PLEKHA1: variants seen among roughly 807,000 people sequenced by gnomAD.
The protein encoded by PLEKHA1 is pleckstrin homology domain-containing family A member 1.
A neutral mutation model predicts 52.0 loss-of-function variants in PLEKHA1; 34 were observed. That is an observed-to-expected ratio of 0.65 (90% CI 0.50 to 0.87). The LOEUF (loss-of-function observed/expected upper bound fraction) is 0.87, where lower values mean the gene tolerates loss of function less well. Among genes scored for constraint, PLEKHA1 ranks in the 40% least tolerant of loss-of-function variants. The pLI is 0.00. For missense variants in PLEKHA1, 497 were observed against 504.2 expected (o/e 0.99, Z 0.14); for synonymous variants, 163 against 170.7 (o/e 0.95, Z 0.35).
intron 1 of PLEKHA1, among the ~76,000 whole-genome samples, chr10:122,382,745 C>T (rs1410577473): frequency 6.6e-6 from 1 of 152,162 alleles, no homozygotes; most frequent in Non-Finnish European, 1.5e-5. Context: ...CCTCTTTTCT[C>T]TCACTGTGAA....
chr10:122,421,254 G>C (rs1242018509), intron 8 of PLEKHA1: 1 of 152,096 alleles, frequency 6.6e-6, no homozygotes, highest in Non-Finnish European at 1.5e-5. Flanking sequence ...TGAAATCCCT[G>C]CCCAAGGTAT....
intron 1 of PLEKHA1, among the ~76,000 whole-genome samples, chr10:122,390,070 TCAGCACTTGC>T (rs2096755922): frequency 6.6e-6 from 1 of 152,244 alleles, no homozygotes; most frequent in Non-Finnish European, 1.5e-5. Flanking sequence ...AGCTTCTATA[TCAGCACTTGC>T]TGCTTCACCT....
At chr10:122,432,604 C>A (rs2097423540), downstream of PLEKHA1, 1 of 152,000 alleles carries the variant, frequency 6.6e-6, no homozygotes, top group South Asian at 2.1e-4. Context: ...AAAACATGTT[C>A]TCAAAAGCAG....
At position 122,418,026 on chromosome 10, in the gene PLEKHA1, G is replaced by A. The variant is rs1296384254; in HGVS notation, c.681+58G>A. 7 of 1,332,216 alleles carry A rather than the reference G, an allele frequency of 5.3e-6. 1 individual carries two copies. The highest frequency in any genetic ancestry group is 7.5e-6 in the Non-Finnish European group (7 of 930,926). 82.5% of individuals were successfully genotyped at this position (1,332,216 alleles called of 1,614,324 possible). A position where few individuals can be genotyped will look rare whatever the true frequency, so the allele number is the denominator to read the frequency against. The stretch of plus-strand genomic sequence containing the variant: ...AATGTTTGAAAAGTGTTGCAATGTA[G>A]TGATTATATATAATTTCTTGTACTG... On this transcript the variant is annotated intron_variant, in intron 8 of 11. Coordinates refer to ENST00000368990, the MANE Select transcript of PLEKHA1 (RefSeq NM_001001974.4).
At chr10:122,389,894 CAA>C (rs35968799) in intron 1 of PLEKHA1, among the ~76,000 whole-genome samples, 47,335 of 151,874 alleles carry the variant, frequency 0.31, 7,991 homozygotes, top group Non-Finnish European at 0.4. Context: ...TAGCCCCTAA[CAA>C]GAGTCAGCTT....
Position 122,431,429 on chromosome 10 carries a change from C to T in PLEKHA1, c.*1491C>T, listed in dbSNP as rs1229499011. The T allele has an allele frequency of 6.5e-6, 1 of 152,710 alleles. No homozygotes were observed. Among genetic ancestry groups the T allele is most frequent in the East Asian group, 1.9e-4 (1 of 5,178 alleles). 9.5% of individuals were successfully genotyped at this position (152,710 alleles called of 1,614,324 possible). ...GCCACCATGCCCGGCCCATAAGTAC[C>T]GTTTTTGAGGTTCAGTCTTAAACAT... On this transcript the variant is annotated 3_prime_UTR_variant, in exon 12 of 12. Coordinates refer to ENST00000368990, the MANE Select transcript of PLEKHA1 (RefSeq NM_001001974.4).
chr10:122,426,411 A>G (rs2097340098), intron 10 of PLEKHA1, among the ~76,000 whole-genome samples: 1 of 152,086 alleles, frequency 6.6e-6, no homozygotes, highest in African/African-American at 2.4e-5. Context: ...AACAAGAGGC[A>G]GTATCTCTGC....
intron 1 of PLEKHA1, among the ~76,000 whole-genome samples, chr10:122,388,487 A>C (rs986944094): frequency 6.6e-6 from 1 of 152,156 alleles, no homozygotes; most frequent in Admixed American, 6.5e-5. Context: ...CCTGTGTTCA[A>C]TTCTGAATAT....
At chr10:122,424,171 G>GTTTTTTTT (rs34058512) in intron 8 of PLEKHA1, 28 bp from the exon 9 acceptor site, 19 of 955,856 alleles carry the variant, frequency 2.0e-5, no homozygotes, top group South Asian at 1.0e-4. Flanking sequence ...TCATGTAACT[G>GTTTTTTTT]TTTTTTTTTT....
intron 7 of PLEKHA1, among the ~76,000 whole-genome samples, chr10:122,416,357 GAGA>G (rs2097174908): frequency 6.6e-6 from 1 of 152,150 alleles, no homozygotes; most frequent in Non-Finnish European, 1.5e-5. Flanking sequence ...CCAGCGGCAG[GAGA>G]AGGAGTGGTG....
chr10:122,384,297 G>A (rs1377752358), intron 1 of PLEKHA1, among the ~76,000 whole-genome samples: 2 of 152,090 alleles, frequency 1.3e-5, no homozygotes, highest in Non-Finnish European at 2.9e-5. Flanking sequence ...TCAGGTTTTT[G>A]CCATGGAAAG....
intron 4 of PLEKHA1, among the ~76,000 whole-genome samples, chr10:122,401,775 G>A (rs1459001065): frequency 2.0e-5 from 3 of 152,136 alleles, no homozygotes; most frequent in Non-Finnish European, 2.9e-5. Context: ...CTGAAGGAAC[G>A]AATATTTGGA....
intron 1 of PLEKHA1, 156 bp downstream of exon 1, chr10:122,374,962 G>C (rs1422833288): frequency 3.9e-5 from 6 of 152,178 alleles, no homozygotes; most frequent in Admixed American, 1.3e-4. Context: ...GTGGGTGCTG[G>C]TGAGTGCGGA....
At chr10:122,419,849 A>C (rs1258971492) in intron 8 of PLEKHA1, 1 of 152,178 alleles carries the variant, frequency 6.6e-6, no homozygotes, top group East Asian at 1.9e-4. Flanking sequence ...AATAATGCCC[A>C]GCATACAGGT....
intron 11 of PLEKHA1, chr10:122,428,458 C>G: frequency 7.4e-7 from 1 of 1,359,170 alleles, no homozygotes; most frequent in Non-Finnish European, 9.5e-7. Context: ...GTTATCATAA[C>G]TGATTTTGTC....
intron 1 of PLEKHA1, among the ~76,000 whole-genome samples, chr10:122,388,700 A>C (rs898167108): frequency 6.6e-6 from 1 of 152,240 alleles, no homozygotes; most frequent in Admixed American, 6.5e-5. Flanking sequence ...TTGCTTAAAA[A>C]TGCTAACAGT....
chr10:122,415,388 CAT>C (rs1425450073), intron 6 of PLEKHA1, among the ~76,000 whole-genome samples: 5 of 152,198 alleles, frequency 3.3e-5, no homozygotes, highest in South Asian at 2.1e-4. Context: ...CAGATCTACA[CAT>C]GTGATAAAAC....
chr10:122,386,287 TAGTC>T (rs747565684), intron 1 of PLEKHA1, among the ~76,000 whole-genome samples: 5 of 142,926 alleles, frequency 3.5e-5, no homozygotes, highest in South Asian at 2.3e-4. Context: ...TATATGTTCT[TAGTC>T]AGCTTGTGTG....
intron 10 of PLEKHA1, among the ~76,000 whole-genome samples, chr10:122,426,542 TC>T (rs1204317043): frequency 6.6e-6 from 1 of 152,206 alleles, no homozygotes; most frequent in Admixed American, 6.5e-5. Flanking sequence ...AGAAATTATT[TC>T]CAGAAAAATA....
Sources: allele counts gnomAD v4.1 joint callset (sites outside exome capture counted in the v4.1 genomes callset), GRCh38; gene constraint gnomAD v4.1.1; transcripts MANE v1.5; gene names NCBI Gene and HGNC (gene_info 2026-07-23, HGNC 2026-07-21).